SCML4: variants seen among roughly 807,000 people sequenced by gnomAD.
The protein encoded by SCML4 is sex comb on midleg-like protein 4.
SCML4 carries 34 observed loss-of-function variants against 41.1 expected under a neutral mutation model. The observed-to-expected ratio is 0.83, with a 90% confidence interval of 0.63 to 1.10. SCML4 has a LOEUF of 1.10. Ranked by LOEUF, SCML4 falls within the 50% of genes least tolerant of loss-of-function variation. SCML4 has a pLI of 0.00. For synonymous variants in SCML4, 214 were observed against 220.9 expected, an observed-to-expected ratio of 0.97 and a Z score of 0.28; for missense variants, 522 against 534.1, an observed-to-expected ratio of 0.98 and a Z score of 0.22.
intron 6 of SCML4, among the ~76,000 whole-genome samples, chr6:107,717,382 A>G (rs1466652746): frequency 6.6e-6 from 1 of 152,092 alleles, no homozygotes; most frequent in Non-Finnish European, 1.5e-5. Context: ...GTGTATCACA[A>G]AGGCTCAACA....
intron 2 of SCML4, among the ~76,000 whole-genome samples, chr6:107,757,277 C>T (rs759154585): frequency 1.3e-5 from 2 of 152,146 alleles, no homozygotes; most frequent in South Asian, 2.1e-4. Context: ...TGGGGGGAAA[C>T]GGAGATGTGC....
chr6:107,715,839 T>G (rs988125370), intron 6 of SCML4, among the ~76,000 whole-genome samples: 29 of 152,188 alleles, frequency 1.9e-4, no homozygotes, highest in African/African-American at 7.0e-4. Context: ...TTTTAAACCA[T>G]TTTGATTAGT....
intron 2 of SCML4, among the ~76,000 whole-genome samples, chr6:107,765,626 G>A (rs923094595): frequency 1.4e-5 from 2 of 142,080 alleles, no homozygotes; most frequent in African/African-American, 3.0e-5. Context: ...TTTTTACTTA[G>A]TGAAACCAAA....
intron 5 of SCML4, among the ~76,000 whole-genome samples, chr6:107,742,067 G>A (rs764581331): frequency 5.3e-5 from 8 of 151,864 alleles, no homozygotes; most frequent in Non-Finnish European, 4.4e-5. Flanking sequence ...ATATATCAGA[G>A]AAATTTAACA....
chr6:107,740,458 C>T (rs867667751), intron 5 of SCML4, among the ~76,000 whole-genome samples: 5 of 152,326 alleles, frequency 3.3e-5, no homozygotes, highest in South Asian at 4.1e-4. Context: ...GAGACAAGCT[C>T]TAAAAGATGG....
At chr6:107,746,356 C>T (rs1778089001) in intron 4 of SCML4, 1 of 253,286 alleles carries the variant, frequency 3.9e-6, no homozygotes, top group Non-Finnish European at 7.5e-6. Context: ...GGTGGTTGGA[C>T]TCCGGGTATA....
At chr6:107,752,906 G>A (rs1778807866) in intron 2 of SCML4, among the ~76,000 whole-genome samples, 1 of 152,164 alleles carries the variant, frequency 6.6e-6, no homozygotes, top group Non-Finnish European at 1.5e-5. Flanking sequence ...TGCAATTGAG[G>A]AGTTATACTT....
intron 5 of SCML4, among the ~76,000 whole-genome samples, chr6:107,735,165 C>T (rs953028757): frequency 1.3e-5 from 2 of 152,138 alleles, no homozygotes; most frequent in Admixed American, 6.5e-5. Context: ...CGTGAGCCAC[C>T]GAGCTCAGCC....
At chr6:107,834,070 G>C in the SCML4 span, among the ~76,000 whole-genome samples, 2 of 152,220 alleles carry the variant, frequency 1.3e-5, no homozygotes, top group African/African-American at 4.8e-5. Context: ...TGTAGAAGCT[G>C]CAAAGTGGAT....
intron 5 of SCML4, among the ~76,000 whole-genome samples, chr6:107,725,159 T>C (rs1775836486): frequency 6.6e-6 from 1 of 152,234 alleles, no homozygotes; most frequent in Non-Finnish European, 1.5e-5. Context: ...TACAACAATC[T>C]ATTAAACATT....
At chr6:107,801,388 TCTCCTTGGCGAGA>T (rs1389324717) in intron 1 of SCML4, among the ~76,000 whole-genome samples, 1 of 152,056 alleles carries the variant, frequency 6.6e-6, no homozygotes, top group Non-Finnish European at 1.5e-5. Context: ...TCAGAGGGCG[TCTCCTTGGCGAGA>T]CTCCAGTCCT....
At chr6:107,724,870 A>C (rs551368857) in intron 5 of SCML4, among the ~76,000 whole-genome samples, 61 of 152,360 alleles carry the variant, frequency 4.0e-4, no homozygotes, top group African/African-American at 1.2e-3. Flanking sequence ...TCCTGATTCC[A>C]AATTTAGTAC....
At chr6:107,825,949 A>AAG (rs1414152081), upstream of SCML4, among the ~76,000 whole-genome samples, 5 of 143,102 alleles carry the variant, frequency 3.5e-5, no homozygotes, top group Admixed American at 7.0e-5. Flanking sequence ...AAAAAAAAAA[A>AAG]AAAAAAAGAA....
At chr6:107,817,829 T>C (rs1784664147) in intron 1 of SCML4, among the ~76,000 whole-genome samples, 1 of 151,942 alleles carries the variant, frequency 6.6e-6, no homozygotes, top group Non-Finnish European at 1.5e-5. Flanking sequence ...ACCTCCCAAA[T>C]CGAGTACTAA....
chr6:107,803,205 T>C (rs1345456113), intron 1 of SCML4, among the ~76,000 whole-genome samples: 2 of 16,752 alleles, frequency 1.2e-4, no homozygotes, highest in Admixed American at 6.9e-4. Context: ...TGGCCGCCCA[T>C]CGTCTGAGAT....
At chr6:107,754,018 T>A (rs1212888255) in intron 2 of SCML4, among the ~76,000 whole-genome samples, 1 of 152,010 alleles carries the variant, frequency 6.6e-6, no homozygotes, top group Non-Finnish European at 1.5e-5. Context: ...GAGGTGGGTG[T>A]GGTCATGAAC....
At chr6:107,813,616 A>G (rs185209845) in intron 1 of SCML4, among the ~76,000 whole-genome samples, 9 of 151,844 alleles carry the variant, frequency 5.9e-5, no homozygotes, top group Non-Finnish European at 1.2e-4. Flanking sequence ...ATCTTTGGCT[A>G]CTTTTTCGGG....
rs1031617088 is a variant in SCML4, at chr6:107,702,955, G to C, written c.*2245C>G. Among the ~76,000 whole-genome samples, 2 of 152,204 alleles carry C rather than the reference G, an allele frequency of 1.3e-5. No individual in the cohort carries two copies. Among genetic ancestry groups the C allele is most frequent in the African/African-American group, 4.8e-5 (2 of 41,446 alleles). ...AGACCTTCTGATAAAACAGGTTGCA[G>C]TAAAGAAGTTGGCTAAAACCCACCA... On this transcript the variant is annotated 3_prime_UTR_variant, in exon 8 of 8. Coordinates refer to ENST00000369020, the MANE Select transcript of SCML4 (RefSeq NM_198081.5).
rs1171221403 is a variant in SCML4, at chr6:107,778,196, C to CA, written c.-59-5811dup. 2.0e-3 allele frequency among the ~76,000 whole-genome samples: 15 copies of CA among 7,670 alleles called. 1 individual carries two copies. The highest frequency in any genetic ancestry group is 2.6e-3 in the African/African-American group (8 of 3,052). The allele number at this position is 7,670 out of a possible 152,430, so 5.0% of individuals were successfully genotyped here. A position where few individuals can be genotyped will look rare whatever the true frequency, so the allele number is the denominator to read the frequency against. On this transcript the variant is annotated intron_variant, in intron 1 of 7. Coordinates refer to ENST00000369020, the MANE Select transcript of SCML4 (RefSeq NM_198081.5). ...CAACAGAGTGAGCGAGACTCTATCTCAAAAAAAAAAAAAAAAAAAAAAAAA... is the reference window on the plus strand; with the variant it reads ...CAACAGAGTGAGCGAGACTCTATCTCAAAAAAAAAAAAAAAAAAAAAAAAAA...
Sources: gnomAD v4.1 joint callset for allele counts (sites outside exome capture counted in the v4.1 genomes callset) on GRCh38, gnomAD v4.1.1 for gene constraint, MANE v1.5 for transcripts, NCBI Gene and HGNC (gene_info 2026-07-23, HGNC 2026-07-21) for gene names.